Variants in SPTBN4 observed in about 807,000 individuals in gnomAD.
SPTBN4 encodes spectrin beta, non-erythrocytic 4.
A neutral mutation model predicts 277.8 loss-of-function variants in SPTBN4; 96 were observed. That is an observed-to-expected ratio of 0.35 (90% CI 0.29 to 0.41). The LOEUF is 0.41. Ranked by LOEUF, SPTBN4 falls within the 10% of genes least tolerant of loss-of-function variation. The pLI is 1.00. For missense variants in SPTBN4, 3,006 were observed against 3,595.7 expected, an observed-to-expected ratio of 0.84 and a Z score of 4.19; for synonymous variants, 1,481 against 1,580.3, an observed-to-expected ratio of 0.94 and a Z score of 1.49.
At chr19:40,503,766 C>T in intron 11 of SPTBN4, 64 bp from the exon 12 acceptor site, 1 of 1,503,408 alleles carries the variant, frequency 6.7e-7, no homozygotes, top group Non-Finnish European at 8.9e-7. Flanking sequence ...CAGGGTCACA[C>T]AGGGTCAAGG....
intron 2 of SPTBN4, among the ~76,000 whole-genome samples, chr19:40,481,859 A>G (rs2080015697): frequency 6.6e-6 from 1 of 151,974 alleles, no homozygotes; most frequent in Non-Finnish European, 1.5e-5. Context: ...GATGACTAAG[A>G]ACAACGAAGA....
At position 40,502,792 on chromosome 19, in the gene SPTBN4, G is replaced by A. The variant is rs758098441; in HGVS notation, c.1221G>A (p.Glu407=). 5.6e-6 allele frequency: 9 copies of A among 1,613,940 alleles called. No individual in the cohort carries two copies. The highest frequency in any genetic ancestry group is 7.6e-6 in the Non-Finnish European group (9 of 1,180,010). Residue 407 remains glutamate, a synonymous_variant, in exon 11 of 36, where the codon GAG becomes GAA. Transcript: ENST00000598249. The surrounding 1 kb of genome is among the most constrained non-coding windows in gnomAD (Gnocchi z 4.9). The part of the protein sequence containing the change: ...WDIDKAWGEL[E]KAEHEREAAL... ...TCCTGCAGGCATGGGGTGAGCTGGA[G>A]AAGGCTGAGCATGAGCGGGAGGCTG...
At chr19:40,507,612 A>AG (rs1486074319) in intron 13 of SPTBN4, among the ~76,000 whole-genome samples, 1 of 152,196 alleles carries the variant, frequency 6.6e-6, no homozygotes, top group African/African-American at 2.4e-5. Context: ...TGGAAGGCCG[A>AG]GGCAGGCGGA....
At chr19:40,505,871 A>G (rs2080323684) in intron 12 of SPTBN4, among the ~76,000 whole-genome samples, 1 of 152,154 alleles carries the variant, frequency 6.6e-6, no homozygotes, top group Non-Finnish European at 1.5e-5. Flanking sequence ...ATGTATAGAT[A>G]AGAAAGACAT....
At chr19:40,557,567 T>G (rs145308806) in intron 26 of SPTBN4, among the ~76,000 whole-genome samples, 164 bp downstream of exon 26, 1 of 151,944 alleles carries the variant, frequency 6.6e-6, no homozygotes, top group Non-Finnish European at 1.5e-5. Context: ...AGATAGAAAA[T>G]GGACTGATGG....
chr19:40,560,848 G>A lies in SPTBN4; in HGVS notation c.5915+445G>A, dbSNP rs2081035561. The A allele has an allele frequency of 2.9e-6, 2 of 679,306 alleles. No homozygotes were observed. Among genetic ancestry groups the A allele is most frequent in the Non-Finnish European group, 3.8e-6 (2 of 528,104 alleles). The allele number at this position is 679,306 out of a possible 1,614,324, so 42.1% of individuals were successfully genotyped here. ...GAATCCTGTCCCCTGGTGATTGGGA[G>A]CCAGGGTCCTTCCATCATGCCACCC... On this transcript the variant is annotated intron_variant, in intron 27 of 35. Transcript: ENST00000598249. The surrounding 1 kb of genome is among the most constrained non-coding windows in gnomAD (Gnocchi z 5.2).
chr19:40,561,483 G>A (rs529577330), intron 27 of SPTBN4, among the ~76,000 whole-genome samples: 1 of 152,338 alleles, frequency 6.6e-6, no homozygotes, highest in South Asian at 2.1e-4. Context: ...CCAAGCACTT[G>A]CCCTGAGACA....
rs1201227613 is a variant in SPTBN4 at position 40,560,051 on chromosome 19, G to A, written c.5671-108G>A. 1.9e-5 allele frequency: 28 copies of A among 1,441,220 alleles called. No homozygotes were observed. The South Asian group carries it at 3.2e-4, about 17-fold the overall frequency. 89.3% of individuals were successfully genotyped at this position (1,441,220 alleles called of 1,614,324 possible). A position where few individuals can be genotyped will look rare whatever the true frequency, so the allele number is the denominator to read the frequency against. On this transcript the variant is annotated intron_variant, in intron 26 of 35. Transcript: ENST00000598249. This position sits in a 1 kb window ranked among gnomAD's most constrained non-coding sequence, Gnocchi z 5.2. The stretch of plus-strand genomic sequence containing the variant: ...ACAGGAGCCTGGCTGTGGGATCACA[G>A]TGTGAGGCTCCTTATATCTTGAGGT...
At chr19:40,548,228 C>T (rs912870823) in intron 20 of SPTBN4, among the ~76,000 whole-genome samples, 5 of 152,058 alleles carry the variant, frequency 3.3e-5, no homozygotes, top group Admixed American at 2.0e-4. Flanking sequence ...TTTTTTTATC[C>T]GGTAATCCCA....
intron 5 of SPTBN4, among the ~76,000 whole-genome samples, chr19:40,494,625 TATCA>T (rs953132894): frequency 2.7e-5 from 4 of 148,942 alleles, no homozygotes; most frequent in Admixed American, 6.6e-5. Flanking sequence ...GTCTATCATC[TATCA>T]ATCTATCTAT....
At chr19:40,477,633 C>T (rs2079963754) in intron 2 of SPTBN4, among the ~76,000 whole-genome samples, 1 of 152,168 alleles carries the variant, frequency 6.6e-6, no homozygotes, top group Non-Finnish European at 1.5e-5. Context: ...TTGATCCAGC[C>T]TGGAGAATCA....
chr19:40,553,062 T>G (rs1393883396), intron 22 of SPTBN4, among the ~76,000 whole-genome samples: 2 of 152,214 alleles, frequency 1.3e-5, no homozygotes, highest in African/African-American at 4.8e-5. Context: ...TCTTCTCATC[T>G]GTAAAATGGA....
intron 20 of SPTBN4, among the ~76,000 whole-genome samples, chr19:40,545,517 C>T (rs949005946): frequency 2.6e-5 from 4 of 152,228 alleles, no homozygotes; most frequent in Admixed American, 2.6e-4. Flanking sequence ...CCAATTTATG[C>T]CACCACTGAC....
chr19:40,561,562 C>T (rs931154575), intron 27 of SPTBN4, among the ~76,000 whole-genome samples: 3 of 152,136 alleles, frequency 2.0e-5, no homozygotes, highest in African/African-American at 7.2e-5. Flanking sequence ...TGGCTCACGC[C>T]TGTAATCCCA....
intron 2 of SPTBN4, among the ~76,000 whole-genome samples, chr19:40,481,400 G>A (rs575982901): frequency 1.1e-4 from 16 of 152,220 alleles, no homozygotes; most frequent in Middle Eastern, 3.4e-3. Context: ...CGTTTGTATC[G>A]TTTTATATTC....
At chr19:40,493,560 T>A (rs1293339478) in intron 5 of SPTBN4, among the ~76,000 whole-genome samples, 2 of 152,118 alleles carry the variant, frequency 1.3e-5, no homozygotes, top group Admixed American at 6.6e-5. Context: ...TTGTCGTTGT[T>A]GTTTTTAATC....
chr19:40,572,883 T>C (rs1255525182), intron 35 of SPTBN4, among the ~76,000 whole-genome samples: 1 of 151,964 alleles, frequency 6.6e-6, no homozygotes, highest in Non-Finnish European at 1.5e-5. Context: ...CGTTTGAACC[T>C]GGAAGGCGGA....
intron 27 of SPTBN4, among the ~76,000 whole-genome samples, chr19:40,562,873 A>G (rs1008475197): frequency 1.3e-5 from 2 of 151,936 alleles, no homozygotes; most frequent in Non-Finnish European, 2.9e-5. Flanking sequence ...AGTAAAGGTA[A>G]CCCACATGTG....
At chr19:40,478,525 A>G (rs1483659433) in intron 2 of SPTBN4, among the ~76,000 whole-genome samples, 1 of 152,048 alleles carries the variant, frequency 6.6e-6, no homozygotes, top group Non-Finnish European at 1.5e-5. Flanking sequence ...ACAGAGTGAG[A>G]TCCCACCTTA....
Sources: allele counts gnomAD v4.1 joint callset (sites outside exome capture counted in the v4.1 genomes callset), GRCh38; gene constraint gnomAD v4.1.1; non-coding constraint Gnocchi (gnomAD v3.1); transcripts MANE v1.5; gene names NCBI Gene and HGNC (gene_info 2026-07-23, HGNC 2026-07-21).